MUSK: variants seen among roughly 807,000 people sequenced by gnomAD.
MUSK encodes muscle associated receptor tyrosine kinase.
MUSK carries 55 observed loss-of-function variants against 88.7 expected under a neutral mutation model. That is an observed-to-expected ratio of 0.62 (90% CI 0.50 to 0.78). The LOEUF is 0.78. Ranked by LOEUF, MUSK falls within the 30% of genes least tolerant of loss-of-function variation. MUSK has a pLI of 0.00. For synonymous variants in MUSK, 387 were observed against 391.9 expected (o/e 0.99, Z 0.15); for missense variants, 1,015 against 1,074.3 (o/e 0.94, Z 0.77).
Position 110,771,422 on chromosome 9 carries a change from ATC to A in MUSK, c.1184+3343_1184+3344del, listed in dbSNP as rs570795783. 5.3e-4 allele frequency among the ~76,000 whole-genome samples: 80 copies of A among 151,876 alleles called. 1 individual carries two copies. Among genetic ancestry groups the A allele is most frequent in the African/African-American group, 1.8e-3 (73 of 41,448 alleles). ...GCTCATTTCTAATCAACTTCCCATT[ATC>A]TCTAAAGGCATCGTCGTTCTGATTT... On this transcript the variant is annotated intron_variant, in intron 9 of 14. Coordinates refer to ENST00000374448, the MANE Select transcript of MUSK (RefSeq NM_005592.4).
chr9:110,736,895 CA>C (rs2077036544), intron 6 of MUSK, among the ~76,000 whole-genome samples: 1 of 151,926 alleles, frequency 6.6e-6, no homozygotes, highest in South Asian at 2.1e-4. Flanking sequence ...ATAACATGAC[CA>C]GTAATTCATT....
At chr9:110,689,751 T>A (rs1274121588) in intron 3 of MUSK, among the ~76,000 whole-genome samples, 55 of 69,728 alleles carry the variant, frequency 7.9e-4, no homozygotes, top group African/African-American at 3.2e-3. Flanking sequence ...TATTATATAT[T>A]ATATATAAAC....
chr9:110,729,392 A>G (rs2076935876), intron 5 of MUSK, among the ~76,000 whole-genome samples: 1 of 150,646 alleles, frequency 6.6e-6, no homozygotes, highest in Admixed American at 6.6e-5. Context: ...TTAAGCCCCA[A>G]ACTTTGTGCT....
At chr9:110,735,656 C>T (rs1021817540) in intron 6 of MUSK, among the ~76,000 whole-genome samples, 4 of 151,916 alleles carry the variant, frequency 2.6e-5, no homozygotes, top group African/African-American at 9.7e-5. Flanking sequence ...GTTCTCGCAT[C>T]GCGATAAAGA....
At chr9:110,775,576 C>T (rs1282504848) in intron 9 of MUSK, 1 of 567,654 alleles carries the variant, frequency 1.8e-6, no homozygotes, top group Non-Finnish European at 3.1e-6. Flanking sequence ...TGTTTCACAA[C>T]AAAACGAGAT....
At chr9:110,773,397 C>T (rs1057460811) in intron 9 of MUSK, among the ~76,000 whole-genome samples, 24 of 152,042 alleles carry the variant, frequency 1.6e-4, no homozygotes, top group African/African-American at 5.8e-4. Flanking sequence ...TTGTATTGTT[C>T]AATTATATTT....
chr9:110,742,200 T>C (rs1444823513), intron 6 of MUSK, among the ~76,000 whole-genome samples: 1 of 152,176 alleles, frequency 6.6e-6, no homozygotes, highest in East Asian at 1.9e-4. Flanking sequence ...CTCACTCCTG[T>C]AATCCCAGCA....
At chr9:110,685,144 A>AT (rs1249415153) in intron 2 of MUSK, among the ~76,000 whole-genome samples, 1 of 151,818 alleles carries the variant, frequency 6.6e-6, no homozygotes, top group Non-Finnish European at 1.5e-5. Context: ...TTTTCCATCT[A>AT]TTTTTTGAGG....
intron 3 of MUSK, among the ~76,000 whole-genome samples, chr9:110,691,729 T>C (rs2076358644): frequency 6.6e-6 from 1 of 152,116 alleles, no homozygotes; most frequent in Non-Finnish European, 1.5e-5. Context: ...ACTTGGGACA[T>C]TTATTTTTAG....
intron 13 of MUSK, among the ~76,000 whole-genome samples, chr9:110,787,361 CAAAA>C (rs10659550): frequency 8.7e-5 from 8 of 91,430 alleles, no homozygotes; most frequent in Non-Finnish European, 1.0e-4. Flanking sequence ...GACTCTGTCT[CAAAA>C]AAAAAAAAAA....
rs370720549 is a variant in MUSK at position 110,689,718 on chromosome 9, T to TAGTTATATATAAATATATAAATATATATA, written c.358+2450_358+2451insAGTTATATATAAATATATAAATATATATA. ...TTATATATAAATATATAACTATATA[T>TAGTTATATATAAATATATAAATATATATA]GTTATATATAGTTTATATATAATAT... On this transcript the variant is annotated intron_variant, in intron 3 of 14. Transcript: ENST00000374448. Among the ~76,000 whole-genome samples the TAGTTATATATAAATATATAAATATATATA allele has an allele frequency of 2.1e-4, 11 of 51,642 alleles. 1 individual carries two copies. Among genetic ancestry groups the TAGTTATATATAAATATATAAATATATATA allele is most frequent in the East Asian group, 1.1e-3 (2 of 1,774 alleles). The allele number at this position is 51,642 out of a possible 152,430, so 33.9% of individuals were successfully genotyped here.
intron 11 of MUSK, among the ~76,000 whole-genome samples, chr9:110,783,815 AC>A (rs2077805269): frequency 1.3e-5 from 2 of 151,982 alleles, no homozygotes; most frequent in Non-Finnish European, 2.9e-5. Flanking sequence ...GAAGGAGATA[AC>A]ACTATGACTT....
At chr9:110,751,046 G>A (rs1020408278) in intron 7 of MUSK, among the ~76,000 whole-genome samples, 1 of 152,104 alleles carries the variant, frequency 6.6e-6, no homozygotes, top group African/African-American at 2.4e-5. Context: ...AAGTACAAAG[G>A]TGGTTGTGAA....
chr9:110,747,945 C>T lies in MUSK; in HGVS notation c.913+145C>T, dbSNP rs1402716945. On this transcript the variant is annotated intron_variant, in intron 7 of 14. Coordinates refer to ENST00000374448, the MANE Select transcript of MUSK (RefSeq NM_005592.4). ...GGCTATTTCCTCCCCCATGGGGATA[C>T]TCCGGAGGTGACCTAGATATGGATT... 7.2e-6 allele frequency: 8 copies of T among 1,113,252 alleles called. No individual in the cohort carries two copies. The East Asian group carries it at 7.3e-5, about 10-fold the overall frequency. 69.0% of individuals were successfully genotyped at this position (1,113,252 alleles called of 1,614,324 possible). A position where few individuals can be genotyped will look rare whatever the true frequency, so the allele number is the denominator to read the frequency against.
chr9:110,726,600 T>G, intron 5 of MUSK, among the ~76,000 whole-genome samples: 1 of 152,058 alleles, frequency 6.6e-6, no homozygotes, highest in East Asian at 1.9e-4. Flanking sequence ...ACTGATACTC[T>G]TTAACTTTAG....
intron 9 of MUSK, among the ~76,000 whole-genome samples, chr9:110,771,309 C>T (rs774059109): frequency 6.6e-6 from 1 of 151,746 alleles, no homozygotes; most frequent in East Asian, 1.9e-4. Context: ...AGGCTGGTCT[C>T]GAACTCCTGA....
At chr9:110,768,139 GA>G (rs940003619) in intron 9 of MUSK, 56 bp downstream of exon 9, 20 of 1,507,474 alleles carry the variant, frequency 1.3e-5, no homozygotes, top group Admixed American at 1.3e-4. Flanking sequence ...CTGCACAACA[GA>G]AGGAGTTTTT....
At chr9:110,733,517 G>T (rs549703042) in intron 5 of MUSK, among the ~76,000 whole-genome samples, 18 of 151,728 alleles carry the variant, frequency 1.2e-4, no homozygotes, top group Middle Eastern at 3.4e-3. Flanking sequence ...GGGGATTCAG[G>T]GTCAGAAAGG....
At position 110,775,525 on chromosome 9, in the gene MUSK, T is replaced by C. The variant is rs12001189; in HGVS notation, c.1185-263T>C. 817 of 458,716 alleles carry C rather than the reference T, an allele frequency of 1.8e-3. 5 individuals are homozygous for C. Among genetic ancestry groups the C allele is most frequent in the African/African-American group, 0.014 (720 of 50,720 alleles). 28.4% of individuals were successfully genotyped at this position (458,716 alleles called of 1,614,324 possible). A position where few individuals can be genotyped will look rare whatever the true frequency, so the allele number is the denominator to read the frequency against. On this transcript the variant is annotated intron_variant, in intron 9 of 14. Coordinates refer to ENST00000374448, the MANE Select transcript of MUSK (RefSeq NM_005592.4). ...ATCAGAGATTCCCAATCTAATACGT[T>C]TTAAATTTGACGTTTTTTTCCCTTA...
Sources: allele counts gnomAD v4.1 joint callset (sites outside exome capture counted in the v4.1 genomes callset), GRCh38; gene constraint gnomAD v4.1.1; transcripts MANE v1.5; gene names NCBI Gene and HGNC (gene_info 2026-07-23, HGNC 2026-07-21).